Variants in USP10 observed in about 807,000 individuals in gnomAD.
USP10 encodes ubiquitin specific peptidase 10.
Under a neutral mutation model 84.5 loss-of-function variants are expected in USP10, and 22 were observed. That is an observed-to-expected ratio of 0.26 (90% CI 0.19 to 0.37). USP10 has a LOEUF of 0.37. Ranked by LOEUF, USP10 falls within the 10% of genes least tolerant of loss-of-function variation. The pLI is 1.00. For synonymous variants in USP10, 454 were observed against 387.6 expected (o/e 1.17, Z -2.01); for missense variants, 1,019 against 998.9 (o/e 1.02, Z -0.27).
chr16:84,760,755 G>C (rs1438965127), intron 8 of USP10, among the ~76,000 whole-genome samples: 1 of 152,024 alleles, frequency 6.6e-6, no homozygotes, highest in African/African-American at 2.4e-5. Context: ...TGTTACTAAA[G>C]GCATGAGACC....
rs370383030 is a variant in USP10 at position 84,764,939 on chromosome 16, A to AAAAATATAT, written c.1832+677_1832+678insAAATATATA. Among the ~76,000 whole-genome samples the AAAAATATAT allele has an allele frequency of 6.3e-3, 834 of 132,256 alleles. 12 individuals are homozygous for AAAAATATAT. The highest frequency in any genetic ancestry group is 0.02 in the East Asian group (80 of 4,078). The allele number at this position is 132,256 out of a possible 152,430, so 86.8% of individuals were successfully genotyped here. On this transcript the variant is annotated intron_variant, in intron 10 of 13. Coordinates refer to ENST00000219473, the MANE Select transcript of USP10 (RefSeq NM_005153.3). The stretch of plus-strand genomic sequence containing the variant: ...TAACCACGAGAGAGAGAGAAAAAAA[A>AAAAATATAT]ATATATATATATATATTAGACTTCA...
chr16:84,738,917 G>A (rs1283842639), intron 2 of USP10, among the ~76,000 whole-genome samples: 1 of 152,188 alleles, frequency 6.6e-6, no homozygotes, highest in Non-Finnish European at 1.5e-5. Context: ...GAACTTTGCG[G>A]CCCTAGGGCC....
At chr16:84,740,687 T>C (rs930254030) in intron 3 of USP10, among the ~76,000 whole-genome samples, 9 of 152,258 alleles carry the variant, frequency 5.9e-5, no homozygotes, top group Non-Finnish European at 7.3e-5. Flanking sequence ...AAGCGAACTT[T>C]GGGTCTTGTT....
intron 13 of USP10, among the ~76,000 whole-genome samples, chr16:84,777,912 C>CGGCT (rs1311743446): frequency 6.6e-6 from 1 of 152,208 alleles, no homozygotes; most frequent in Non-Finnish European, 1.5e-5. Context: ...GCCGGACAGC[C>CGGCT]GCCTTCCCGA....
At chr16:84,769,745 G>A (rs1914229595) in intron 11 of USP10, among the ~76,000 whole-genome samples, 1 of 152,166 alleles carries the variant, frequency 6.6e-6, no homozygotes, top group South Asian at 2.1e-4. Flanking sequence ...CCTTTCCATG[G>A]GCTGCCTAGG....
At chr16:84,725,792 C>G (rs974204112) in intron 1 of USP10, among the ~76,000 whole-genome samples, 4 of 152,228 alleles carry the variant, frequency 2.6e-5, no homozygotes, top group African/African-American at 9.6e-5. Flanking sequence ...TAGAAGTTGT[C>G]TGGTCCAACA....
chr16:84,774,095 C>G (rs1222906398), intron 12 of USP10, among the ~76,000 whole-genome samples: 2 of 152,010 alleles, frequency 1.3e-5, no homozygotes, highest in Non-Finnish European at 2.9e-5. Flanking sequence ...TCTAAAAACA[C>G]AAAAATTAGC....
chr16:84,775,837 C>G (rs11860875), intron 13 of USP10, among the ~76,000 whole-genome samples: 1 of 152,158 alleles, frequency 6.6e-6, no homozygotes, highest in African/African-American at 2.4e-5. Context: ...ACATCATCTT[C>G]CCTTTCCTTT....
intron 1 of USP10, 103 bp downstream of exon 1, chr16:84,700,214 G>A (rs1567578384): frequency 4.3e-6 from 4 of 938,866 alleles, no homozygotes; most frequent in Non-Finnish European, 5.3e-6. Flanking sequence ...GAGCGTGTGG[G>A]AGTGGGGGAG....
intron 12 of USP10, among the ~76,000 whole-genome samples, chr16:84,774,818 C>T (rs1345240966): frequency 2.0e-5 from 3 of 152,140 alleles, no homozygotes; most frequent in African/African-American, 7.2e-5. Context: ...TTAATTCTTG[C>T]CTTGGATTTT....
At chr16:84,773,407 CCTCTT>C (rs1185731420) in intron 12 of USP10, among the ~76,000 whole-genome samples, 1 of 152,182 alleles carries the variant, frequency 6.6e-6, no homozygotes, top group Non-Finnish European at 1.5e-5. Context: ...AACCGAGAGT[CCTCTT>C]CTCTCCGTCC....
chr16:84,750,468 A>T (rs1421765025), intron 4 of USP10, among the ~76,000 whole-genome samples: 1 of 151,856 alleles, frequency 6.6e-6, no homozygotes, highest in Non-Finnish European at 1.5e-5. Flanking sequence ...AAAACGCGAC[A>T]CCCTTGTTAA....
intron 4 of USP10, among the ~76,000 whole-genome samples, chr16:84,746,120 G>C (rs1258434460): frequency 2.0e-5 from 3 of 150,846 alleles, no homozygotes; most frequent in African/African-American, 7.3e-5. Flanking sequence ...TTGAGTAAAT[G>C]GATTTTATTC....
chr16:84,713,250 G>A (rs1304987193), intron 1 of USP10, among the ~76,000 whole-genome samples: 1 of 152,154 alleles, frequency 6.6e-6, no homozygotes, highest in African/African-American at 2.4e-5. Context: ...AAATGGAGGG[G>A]AACACATTGT....
intron 1 of USP10, among the ~76,000 whole-genome samples, chr16:84,713,599 TGTG>T (rs927045772): frequency 1.3e-5 from 2 of 152,194 alleles, no homozygotes; most frequent in Non-Finnish European, 2.9e-5. Flanking sequence ...AGTCCTAGAA[TGTG>T]GTGAGTGCTC....
chr16:84,733,142 A>C (rs1909458624), intron 1 of USP10: 1 of 502,908 alleles, frequency 2.0e-6, no homozygotes, highest in African/African-American at 1.9e-5. Flanking sequence ...TGAACCAATA[A>C]AAATCTCCTG....
chr16:84,702,483 C>T (rs12935354), intron 1 of USP10, among the ~76,000 whole-genome samples: 115,656 of 152,070 alleles, frequency 0.76, 44,134 homozygotes, highest in East Asian at 0.89. Flanking sequence ...ATTTGTTTTA[C>T]TTGGTTGCCT....
At chr16:84,714,993 G>T (rs887948307) in intron 1 of USP10, among the ~76,000 whole-genome samples, 6 of 150,776 alleles carry the variant, frequency 4.0e-5, no homozygotes, top group Admixed American at 6.6e-5. Flanking sequence ...GCAGTTCGCA[G>T]TCTCGGCTCA....
At chr16:84,713,196 GTTAT>G (rs1337451772) in intron 1 of USP10, among the ~76,000 whole-genome samples, 1 of 152,162 alleles carries the variant, frequency 6.6e-6, no homozygotes. Context: ...TCACCCACTA[GTTAT>G]TTATTGAACT....
Sources: gnomAD v4.1 joint callset for allele counts (sites outside exome capture counted in the v4.1 genomes callset) on GRCh38, gnomAD v4.1.1 for gene constraint, MANE v1.5 for transcripts, NCBI Gene and HGNC (gene_info 2026-07-23, HGNC 2026-07-21) for gene names.